The following CSMD3 variants were observed in gnomAD, a reference collection of about 807,000 sequenced individuals.
CSMD3 encodes CUB and sushi domain-containing protein 3.
A neutral mutation model predicts 435.2 loss-of-function variants in CSMD3; 177 were observed. The ratio of observed to expected loss-of-function variants is 0.41; its 90% CI spans 0.36 to 0.46. The LOEUF is 0.46. Ranked by LOEUF, CSMD3 falls within the 20% of genes least tolerant of loss-of-function variation. CSMD3 has a pLI of 0.34. For missense variants in CSMD3, 4,265 were observed against 4,504.6 expected, an observed-to-expected ratio of 0.95 and a Z score of 1.52; for synonymous variants, 1,656 against 1,520.5, an observed-to-expected ratio of 1.09 and a Z score of -2.07.
At chr8:112,751,642 T>TA (rs1415461056) in intron 13 of CSMD3, among the ~76,000 whole-genome samples, 1 of 143,574 alleles carries the variant, frequency 7.0e-6, no homozygotes, top group African/African-American at 2.5e-5. Context: ...TTTTTTTTTT[T>TA]TATATATTTT....
intron 4 of CSMD3, among the ~76,000 whole-genome samples, chr8:113,102,685 G>C (rs2090364402): frequency 6.6e-6 from 1 of 152,092 alleles, no homozygotes; most frequent in Admixed American, 6.6e-5. Context: ...GAAAAGCAGA[G>C]GGAAGGGTGT....
intron 6 of CSMD3, among the ~76,000 whole-genome samples, chr8:112,985,697 G>A (rs139701602): frequency 1.4e-3 from 218 of 152,192 alleles, no homozygotes; most frequent in Middle Eastern, 3.4e-3. Flanking sequence ...CCACCTATCA[G>A]ATCAGTGGTG....
At chr8:113,274,974 C>T (rs2093558404) in intron 3 of CSMD3, among the ~76,000 whole-genome samples, 1 of 151,676 alleles carries the variant, frequency 6.6e-6, no homozygotes, top group African/African-American at 2.4e-5. Flanking sequence ...TAAAAATAGC[C>T]TTTTTAAAAA....
intron 1 of CSMD3, among the ~76,000 whole-genome samples, chr8:113,422,128 A>C (rs1303597791): frequency 6.6e-6 from 1 of 152,116 alleles, no homozygotes; most frequent in Admixed American, 6.6e-5. Flanking sequence ...CCTGTCCTCT[A>C]TGAAGAGGGT....
intron 13 of CSMD3, among the ~76,000 whole-genome samples, chr8:112,722,269 G>A (rs185858569): frequency 2.6e-5 from 4 of 151,834 alleles, no homozygotes; most frequent in Admixed American, 2.6e-4. Flanking sequence ...TGCAATGAGT[G>A]CAAATTAATT....
At chr8:112,435,136 G>A (rs1814181856) in intron 32 of CSMD3, among the ~76,000 whole-genome samples, 1 of 152,014 alleles carries the variant, frequency 6.6e-6, no homozygotes, top group African/African-American at 2.4e-5. Flanking sequence ...CAATGTTTTT[G>A]AAATAAGCAT....
chr8:113,128,195 T>G (rs1220442917), intron 4 of CSMD3, among the ~76,000 whole-genome samples: 3 of 152,086 alleles, frequency 2.0e-5, no homozygotes, highest in Non-Finnish European at 2.9e-5. Flanking sequence ...CTAAGCAGAT[T>G]GAGTACTTTG....
At chr8:112,338,307 T>A (rs575933255) in intron 42 of CSMD3, among the ~76,000 whole-genome samples, 1 of 152,306 alleles carries the variant, frequency 6.6e-6, no homozygotes, top group East Asian at 1.9e-4. Context: ...CAATGCAGTA[T>A]AATTGCCTAT....
chr8:113,274,301 A>G (rs1472339699), intron 3 of CSMD3, among the ~76,000 whole-genome samples: 5 of 152,142 alleles, frequency 3.3e-5, no homozygotes, highest in Non-Finnish European at 1.5e-5. Context: ...TTAATTTTAA[A>G]CAATATTTTA....
At position 112,638,175 on chromosome 8, in the gene CSMD3, T is replaced by A. The variant is rs544990169; in HGVS notation, c.3526+521A>T. On this transcript the variant is annotated intron_variant, in intron 21 of 70. Coordinates refer to ENST00000297405, the MANE Select transcript of CSMD3 (RefSeq NM_198123.2). ...TATAGATTATCTAATTCCAGAATAA[T>A]AAATTACTATTTATTAATTATATAT... Among the ~76,000 whole-genome samples, 2 of 140,568 alleles carry A rather than the reference T, an allele frequency of 1.4e-5. 1 individual carries two copies. Among genetic ancestry groups the A allele is most frequent in the South Asian group, 4.4e-4 (2 of 4,498 alleles). The allele number at this position is 140,568 out of a possible 152,430, so 92.2% of individuals were successfully genotyped here.
chr8:112,651,970 T>A (rs1056631465), intron 18 of CSMD3, among the ~76,000 whole-genome samples: 7 of 152,168 alleles, frequency 4.6e-5, no homozygotes, highest in African/African-American at 1.4e-4. Context: ...AAGGCCCTCA[T>A]CACCTCAAGT....
chr8:113,377,227 C>G, intron 1 of CSMD3: 2 of 883,024 alleles, frequency 2.3e-6, no homozygotes, highest in Non-Finnish European at 2.9e-6. Flanking sequence ...ACCGAAGGGC[C>G]AGCCGAGGAT....
intron 6 of CSMD3, among the ~76,000 whole-genome samples, chr8:113,003,252 T>C (rs190542039): frequency 6.6e-6 from 1 of 151,832 alleles, no homozygotes; most frequent in Non-Finnish European, 1.5e-5. Flanking sequence ...TCTCAAAAAA[T>C]AAATAAATAA....
At chr8:113,276,761 C>A (rs1242725300) in intron 3 of CSMD3, among the ~76,000 whole-genome samples, 1 of 152,026 alleles carries the variant, frequency 6.6e-6, no homozygotes, top group Non-Finnish European at 1.5e-5. Context: ...GAACAAGATA[C>A]TGTGAATCAA....
chr8:112,324,570 G>GGGGTGT (rs1554642676), intron 45 of CSMD3, among the ~76,000 whole-genome samples: 4 of 99,868 alleles, frequency 4.0e-5, no homozygotes, highest in Non-Finnish European at 1.0e-4. Flanking sequence ...TGAAGCAAGG[G>GGGGTGT]GTGTGTGTGT....
At chr8:112,861,311 G>C (rs2080820579) in intron 10 of CSMD3, among the ~76,000 whole-genome samples, 1 of 151,602 alleles carries the variant, frequency 6.6e-6, no homozygotes, top group South Asian at 2.1e-4. Context: ...ATGAAAGCTT[G>C]GTATCTATTT....
At chr8:113,024,524 A>G (rs1239436940) in intron 5 of CSMD3, among the ~76,000 whole-genome samples, 4 of 152,152 alleles carry the variant, frequency 2.6e-5, no homozygotes, top group Non-Finnish European at 5.9e-5. Flanking sequence ...TTTTTGAGGA[A>G]CATACATACT....
At chr8:112,572,591 T>C (rs1829621524) in intron 24 of CSMD3, among the ~76,000 whole-genome samples, 2 of 152,082 alleles carry the variant, frequency 1.3e-5, no homozygotes, top group Non-Finnish European at 2.9e-5. Flanking sequence ...CTTGAGAAAA[T>C]TTATAGGAGT....
intron 10 of CSMD3, among the ~76,000 whole-genome samples, chr8:112,892,766 T>C (rs2081836493): frequency 6.6e-6 from 1 of 151,460 alleles, no homozygotes. Flanking sequence ...GGCTGTTTTT[T>C]ATTCCCTCAG....
Sources: gnomAD v4.1 joint callset for allele counts (sites outside exome capture counted in the v4.1 genomes callset) on GRCh38, gnomAD v4.1.1 for gene constraint, MANE v1.5 for transcripts, NCBI Gene and HGNC (gene_info 2026-07-23, HGNC 2026-07-21) for gene names.